RPH3A: variants seen among roughly 807,000 people sequenced by gnomAD.
The protein encoded by RPH3A is rabphilin-3A.
RPH3A carries 48 observed loss-of-function variants against 102.2 expected under a neutral mutation model. That is an observed-to-expected ratio of 0.47 (90% CI 0.37 to 0.60). The LOEUF (loss-of-function observed/expected upper bound fraction) is 0.60. Ranked by LOEUF, RPH3A falls within the 20% of genes least tolerant of loss-of-function variation. The pLI, the probability that RPH3A is intolerant of heterozygous loss-of-function variation, is 0.00. For missense variants in RPH3A, 781 were observed against 910.1 expected (o/e 0.86, Z 1.83); for synonymous variants, 310 against 324.3 (o/e 0.96, Z 0.47).
intron 2 of RPH3A, among the ~76,000 whole-genome samples, chr12:112,827,923 A>G (rs1439236728): frequency 6.6e-6 from 1 of 150,994 alleles, no homozygotes; most frequent in East Asian, 1.9e-4. Context: ...AAAAAAAGGC[A>G]GGGATGACTC....
intron 5 of RPH3A, among the ~76,000 whole-genome samples, chr12:112,865,167 G>T (rs1462378817): frequency 2.6e-5 from 4 of 152,192 alleles, no homozygotes; most frequent in African/African-American, 9.7e-5. Context: ...ACTAGATAAG[G>T]TTCTTAATCC....
chr12:112,801,133 C>T (rs1407148853), intron 2 of RPH3A, among the ~76,000 whole-genome samples: 1 of 152,120 alleles, frequency 6.6e-6, no homozygotes, highest in Non-Finnish European at 1.5e-5. Context: ...GGAAAGGCTG[C>T]TGGATGTGAT....
chr12:112,610,376 G>A (rs1376143116), intron 1 of RPH3A, among the ~76,000 whole-genome samples: 1 of 151,660 alleles, frequency 6.6e-6, no homozygotes, highest in Non-Finnish European at 1.5e-5. Context: ...GGTGGTAGGC[G>A]CCTGTAATTC....
At chr12:112,613,683 C>A (rs1451218576) in intron 1 of RPH3A, among the ~76,000 whole-genome samples, 1 of 152,032 alleles carries the variant, frequency 6.6e-6, no homozygotes, top group Non-Finnish European at 1.5e-5. Flanking sequence ...TGCCTGTAGA[C>A]CCAGCTACTT....
intron 1 of RPH3A, among the ~76,000 whole-genome samples, chr12:112,786,719 C>T (rs1428848767): frequency 2.0e-5 from 3 of 152,178 alleles, no homozygotes; most frequent in Non-Finnish European, 4.4e-5. Context: ...TAAGAGGGAG[C>T]TCAGTCATGA....
At chr12:112,708,355 G>C (rs1273903894) in intron 1 of RPH3A, among the ~76,000 whole-genome samples, 2 of 152,206 alleles carry the variant, frequency 1.3e-5, no homozygotes, top group African/African-American at 2.4e-5. Flanking sequence ...TCTTTGGGCT[G>C]TCCAGGCGGA....
chr12:112,658,678 A>G lies in RPH3A; in HGVS notation c.-140+83359A>G, dbSNP rs544269595. Among the ~76,000 whole-genome samples the G allele has an allele frequency of 5.3e-5, 8 of 152,344 alleles. No individual in the cohort carries two copies. The South Asian group carries it at 1.4e-3, about 28-fold the overall frequency. ...TGGACATATTTTGCAGGCTGAGCCA[A>G]CAGGATTGCTGATGGATCGTATGGC... On this transcript the variant is annotated intron_variant, in intron 1 of 21. Transcript: ENST00000543106.
intron 5 of RPH3A, among the ~76,000 whole-genome samples, chr12:112,855,036 C>T (rs767190921): frequency 2.2e-4 from 34 of 152,306 alleles, no homozygotes; most frequent in Non-Finnish European, 3.4e-4. Context: ...GCACCACATT[C>T]TCCCAACTCT....
intron 1 of RPH3A, among the ~76,000 whole-genome samples, chr12:112,580,770 C>G (rs2039395428): frequency 6.6e-6 from 1 of 152,102 alleles, no homozygotes; most frequent in Non-Finnish European, 1.5e-5. Context: ...CTAGTTTGCA[C>G]TTTAATGTAG....
rs758243796 is a variant in RPH3A, at chr12:112,847,783, C to T, written c.171C>T (p.Ile57=). 1.4e-5 allele frequency: 23 copies of T among 1,614,068 alleles called. No homozygotes were observed. The highest frequency in any genetic ancestry group is 1.9e-5 in the Non-Finnish European group (22 of 1,180,032). The change falls in exon 5 of 22, where the codon ATC becomes ATT. Residue 57 remains isoleucine (I), a synonymous_variant. Transcript: ENST00000389385. Reference sequence around the variant, plus strand: ...AGCTGACTGATGAGGAGAAAGAAATCATCAACAGGGTGATTGCTCGAGCTG... The same window carrying T: ...AGCTGACTGATGAGGAGAAAGAAATTATCAACAGGGTGATTGCTCGAGCTG... ...QEELTDEEKE[I]INRVIARAEK... is the part of the protein sequence containing the mutation.
In RPH3A at chr12:112,890,044, C is replaced by T. The variant is rs138056234; in HGVS notation, c.1584C>T (p.Thr528=). 5,380 of 1,613,562 alleles carry T rather than the reference C, an allele frequency of 3.3e-3. 16 individuals carry two copies. The highest frequency in any genetic ancestry group is 4.3e-3 in the Non-Finnish European group (5,075 of 1,179,934). The part of the protein sequence containing the change: ...RVIPMKRAGT[T]GSARGMALYE... ...TTAAGATGAAACGTGCTGGGACCAC[C>T]GGGTCAGCCCGAGGCATGGCCCTTT... Residue 528 remains threonine, a synonymous_variant, in exon 18 of 22, where the codon ACC becomes ACT. Coordinates refer to ENST00000389385, the MANE Select transcript of RPH3A (RefSeq NM_001143854.2).
At chr12:112,855,021 CCTCAGCACCACATT>C (rs1565921498) in intron 5 of RPH3A, among the ~76,000 whole-genome samples, 1 of 151,952 alleles carries the variant, frequency 6.6e-6, no homozygotes, top group Non-Finnish European at 1.5e-5. Flanking sequence ...CCCCTTCAGG[CCTCAGCACCACATT>C]CTCCCAACTC....
intron 1 of RPH3A, among the ~76,000 whole-genome samples, chr12:112,713,248 T>C (rs1234145525): frequency 6.6e-6 from 1 of 151,756 alleles, no homozygotes; most frequent in Non-Finnish European, 1.5e-5. Flanking sequence ...TGTATATATA[T>C]AACCTACTGC....
chr12:112,866,651 G>A, intron 6 of RPH3A, 106 bp from the exon 7 acceptor site: 5 of 857,214 alleles, frequency 5.8e-6, no homozygotes, highest in Non-Finnish European at 5.5e-6. Context: ...AGAAATGGAA[G>A]CAAGTTCTTC....
At chr12:112,675,781 C>G (rs1592937813) in intron 1 of RPH3A, among the ~76,000 whole-genome samples, 1 of 152,246 alleles carries the variant, frequency 6.6e-6, no homozygotes, top group South Asian at 2.1e-4. Flanking sequence ...TGGATATTTT[C>G]AGGGTCATAT....
chr12:112,832,687 A>T (rs796676999), intron 3 of RPH3A, among the ~76,000 whole-genome samples: 14 of 152,230 alleles, frequency 9.2e-5, no homozygotes, highest in African/African-American at 3.1e-4. Context: ...GCAACAAATT[A>T]AAAAAATTAG....
At chr12:112,777,212 C>T (rs1366038324) in intron 1 of RPH3A, among the ~76,000 whole-genome samples, 2 of 152,122 alleles carry the variant, frequency 1.3e-5, no homozygotes, top group Admixed American at 1.3e-4. Context: ...GCAGTGATTT[C>T]GAGTCAGGTT....
intron 1 of RPH3A, among the ~76,000 whole-genome samples, chr12:112,671,891 A>C (rs557991590): frequency 2.0e-4 from 30 of 151,082 alleles, no homozygotes; most frequent in Middle Eastern, 3.4e-3. Context: ...ACACACACAC[A>C]CCCCAATAGG....
At chr12:112,734,038 C>T (rs2040651911) in intron 1 of RPH3A, among the ~76,000 whole-genome samples, 1 of 152,096 alleles carries the variant, frequency 6.6e-6, no homozygotes, top group Non-Finnish European at 1.5e-5. Flanking sequence ...TTATTATTCT[C>T]ATTATACAGA....
Sources: allele counts gnomAD v4.1 joint callset (sites outside exome capture counted in the v4.1 genomes callset), GRCh38; gene constraint gnomAD v4.1.1; transcripts MANE v1.5; gene names NCBI Gene and HGNC (gene_info 2026-07-23, HGNC 2026-07-21).